The following BAZ1A variants were observed in gnomAD, a reference collection of about 807,000 sequenced individuals.
BAZ1A encodes bromodomain adjacent to zinc finger domain 1A.
Under a neutral mutation model 185.2 loss-of-function variants are expected in BAZ1A, and 50 were observed. The ratio of observed to expected loss-of-function variants is 0.27; its 90% CI spans 0.22 to 0.34. BAZ1A has a LOEUF of 0.34. Ranked by LOEUF, BAZ1A falls within the 10% of genes least tolerant of loss-of-function variation. BAZ1A has a pLI of 1.00. For synonymous variants in BAZ1A, 571 were observed against 615.6 expected (o/e 0.93, Z 1.07); for missense variants, 1,356 against 1,839.9 (o/e 0.74, Z 4.81).
intron 3 of BAZ1A, among the ~76,000 whole-genome samples, chr14:34,833,893 C>A (rs889840333): frequency 2.0e-5 from 3 of 151,738 alleles, no homozygotes; most frequent in Admixed American, 6.6e-5. Context: ...ATAAAAAAAA[C>A]AACTTTTTTT....
chr14:34,801,045 T>C (rs757707743), intron 8 of BAZ1A, 49 bp downstream of exon 8: 1 of 1,357,780 alleles, frequency 7.4e-7, no homozygotes. Flanking sequence ...CACAGAGAAA[T>C]ATTCTTTCTT....
At chr14:34,761,508 T>C (rs1050458093) in intron 24 of BAZ1A, among the ~76,000 whole-genome samples, 1 of 152,110 alleles carries the variant, frequency 6.6e-6, no homozygotes, top group Non-Finnish European at 1.5e-5. Flanking sequence ...TGGCCAAATA[T>C]CTCCATTAAA....
intron 3 of BAZ1A, among the ~76,000 whole-genome samples, chr14:34,849,726 A>G (rs2042568046): frequency 6.6e-6 from 1 of 152,134 alleles, no homozygotes; most frequent in Non-Finnish European, 1.5e-5. Context: ...TAATGCAACC[A>G]AGTTTTATAC....
intron 4 of BAZ1A, among the ~76,000 whole-genome samples, chr14:34,818,780 G>A (rs2042042079): frequency 6.6e-6 from 1 of 152,080 alleles, no homozygotes; most frequent in African/African-American, 2.4e-5. Flanking sequence ...AAGTGAAAAG[G>A]TAAAATTTCT....
intron 25 of BAZ1A, among the ~76,000 whole-genome samples, chr14:34,756,905 C>T (rs1283982003): frequency 6.6e-6 from 1 of 152,130 alleles, no homozygotes; most frequent in Non-Finnish European, 1.5e-5. Flanking sequence ...GCTCAGGAAT[C>T]AATGTTTTAG....
In BAZ1A at chr14:34,771,608, A is replaced by G. The variant is rs767104998; in HGVS notation, c.3204T>C (p.Ser1068=). The change falls in exon 21 of 27, where the codon AGT becomes AGC. Residue 1068 remains serine, a synonymous_variant. Transcript: ENST00000360310. The stretch of plus-strand genomic sequence containing the variant: ...CCACACTGCTCACTGATTGTGGTGT[A>G]CTTGCATTTGTTGATACAGTACTTG... ...ETPSTVSTNA[S]TPQSVSSVVH... 6.2e-7 allele frequency: 1 copy of G among 1,614,126 alleles called. No homozygotes were observed. Among genetic ancestry groups the G allele is most frequent in the South Asian group, 1.1e-5 (1 of 91,072 alleles).
Position 34,753,686 on chromosome 14 carries a change from A to C in BAZ1A, c.4493T>G (p.Ile1498Ser). 1 of 1,588,540 alleles carries C rather than the reference A, an allele frequency of 6.3e-7. No homozygotes were observed. ...AAAGCAGTTCGAAAACATTAACTCAATGTCATCAATAAACTCAGCTAGAAA... is the reference window on the plus strand; with the variant it reads ...AAAGCAGTTCGAAAACATTAACTCACTGTCATCAATAAACTCAGCTAGAAA... Reference protein sequence around the residue: ...YKLASEFIDDIELMFSNCFEY... With the variant: ...YKLASEFIDDSELMFSNCFEY... Residue 1498 changes from isoleucine to serine, a missense_variant, in exon 27 of 27, where the codon ATT (isoleucine) becomes AGT (serine). Ile to Ser is a moderately radical substitution (Grantham distance 142, BLOSUM62 -2). Transcript: ENST00000360310.
At chr14:34,844,192 C>T (rs1201120075) in intron 3 of BAZ1A, among the ~76,000 whole-genome samples, 10 of 130,132 alleles carry the variant, frequency 7.7e-5, no homozygotes, top group Non-Finnish European at 1.4e-4. Context: ...GGCGACAGAG[C>T]GAGACTCCGT....
rs140205563 is a variant in BAZ1A at position 34,868,570 on chromosome 14, G to A, written c.113+5922C>T. On this transcript the variant is annotated intron_variant, in intron 2 of 26. Transcript: ENST00000360310. ...TGTAATCCCAGCACTTTGGGAGGCCGAGGCGGGTGGATCACAAGTCAGGAG... is the reference window on the plus strand; with the variant it reads ...TGTAATCCCAGCACTTTGGGAGGCCAAGGCGGGTGGATCACAAGTCAGGAG... Among the ~76,000 whole-genome samples, 11 of 152,266 alleles carry A rather than the reference G, an allele frequency of 7.2e-5. 1 individual carries two copies. The highest frequency in any genetic ancestry group is 1.6e-4 in the Non-Finnish European group (11 of 68,024).
chr14:34,863,694 A>G (rs1464598950), intron 2 of BAZ1A, among the ~76,000 whole-genome samples: 1 of 152,232 alleles, frequency 6.6e-6, no homozygotes. Context: ...ATCAATGAAT[A>G]CACAATCCCA....
At chr14:34,810,520 A>G (rs1381875927) in intron 5 of BAZ1A, among the ~76,000 whole-genome samples, 3 of 152,346 alleles carry the variant, frequency 2.0e-5, no homozygotes, top group Admixed American at 6.5e-5. Flanking sequence ...TTAAAAATTG[A>G]GTTATCTCAT....
intron 4 of BAZ1A, among the ~76,000 whole-genome samples, chr14:34,825,368 G>C (rs930559398): frequency 2.9e-5 from 4 of 139,904 alleles, no homozygotes; most frequent in Admixed American, 1.5e-4. Context: ...CAGGAGAATC[G>C]CTTGAACCCA....
chr14:34,863,382 C>T (rs996008143), intron 2 of BAZ1A, among the ~76,000 whole-genome samples: 3 of 151,958 alleles, frequency 2.0e-5, no homozygotes, highest in Non-Finnish European at 4.4e-5. Context: ...AGTCTGGTCT[C>T]AAACTCCTGA....
chr14:34,813,644 T>C lies in BAZ1A; in HGVS notation c.537-2608A>G, dbSNP rs935062272. 4.6e-5 allele frequency among the ~76,000 whole-genome samples: 7 copies of C among 150,884 alleles called. No individual in the cohort carries two copies. In the East Asian group the frequency reaches 7.9e-4, roughly 17 times the overall value. ...GTTGCAGTGAGCCGAGATTGTGCCA[T>C]TGCATTCCAGCTTGGGCAACAAGAG... On this transcript the variant is annotated intron_variant, in intron 4 of 26. Transcript: ENST00000360310.
chr14:34,830,879 C>G (rs1469648695), intron 3 of BAZ1A, among the ~76,000 whole-genome samples: 1 of 151,416 alleles, frequency 6.6e-6, no homozygotes, highest in African/African-American at 2.4e-5. Flanking sequence ...CCTCAGCATC[C>G]CAAGAAGCTG....
chr14:34,826,271 G>A, intron 3 of BAZ1A, 115 bp from the exon 4 acceptor site: 4 of 977,576 alleles, frequency 4.1e-6, no homozygotes, highest in Non-Finnish European at 5.8e-6. Flanking sequence ...GGCTATAGCT[G>A]ATTGATTTAA....
intron 3 of BAZ1A, among the ~76,000 whole-genome samples, chr14:34,860,293 A>C (rs2042746685): frequency 6.6e-6 from 1 of 151,954 alleles, no homozygotes; most frequent in Non-Finnish European, 1.5e-5. Flanking sequence ...GGATTACTTG[A>C]GTTCATGAGT....
chr14:34,788,617 G>C lies in BAZ1A; in HGVS notation c.1511-2396C>G, dbSNP rs1880649359. ...CCATGCCCGGCCCATTTTCTTAAAG[G>C]AATGACTCTGGATCAGCAGCTTTCA... On this transcript the variant is annotated intron_variant, in intron 12 of 26. Coordinates refer to ENST00000360310, the MANE Select transcript of BAZ1A (RefSeq NM_013448.3). Among the ~76,000 whole-genome samples the C allele has an allele frequency of 2.0e-5, 3 of 152,002 alleles. No homozygotes were observed. The South Asian group carries it at 6.2e-4, about 32-fold the overall frequency.
chr14:34,846,734 G>C (rs1483637550), intron 3 of BAZ1A, among the ~76,000 whole-genome samples: 3 of 151,924 alleles, frequency 2.0e-5, no homozygotes, highest in Non-Finnish European at 4.4e-5. Flanking sequence ...GACAATCCAG[G>C]AGCCAATTAG....
Sources: allele counts gnomAD v4.1 joint callset (sites outside exome capture counted in the v4.1 genomes callset), GRCh38; gene constraint gnomAD v4.1.1; transcripts MANE v1.5; gene names NCBI Gene and HGNC (gene_info 2026-07-23, HGNC 2026-07-21).